Variants in KIAA0319 observed in about 807,000 individuals in gnomAD.
The protein encoded by KIAA0319 is dyslexia-associated protein KIAA0319.
A neutral mutation model predicts 108.4 loss-of-function variants in KIAA0319; 83 were observed. The observed-to-expected ratio is 0.77, with a 90% CI of 0.64 to 0.92. The LOEUF is 0.92. Among genes scored for constraint, KIAA0319 ranks in the 40% least tolerant of loss-of-function variants. KIAA0319 has a pLI of 0.00. For synonymous variants in KIAA0319, 484 were observed against 510.4 expected (o/e 0.95, Z 0.70); for missense variants, 1,195 against 1,322.4 (o/e 0.90, Z 1.49).
intron 20 of KIAA0319, among the ~76,000 whole-genome samples, chr6:24,551,145 A>ATTT (rs5874990): frequency 1.4e-5 from 2 of 145,734 alleles, no homozygotes; most frequent in South Asian, 2.2e-4. Context: ...CGCCCGGCTA[A>ATTT]TTTTTTTTTT....
intron 1 of KIAA0319, among the ~76,000 whole-genome samples, chr6:24,617,552 A>C (rs1393300717): frequency 2.6e-5 from 4 of 152,220 alleles, no homozygotes; most frequent in South Asian, 2.1e-4. Context: ...GGTGAAGCTG[A>C]AGCTGCCAGA....
intron 18 of KIAA0319, among the ~76,000 whole-genome samples, chr6:24,556,206 C>T (rs546379907): frequency 6.9e-6 from 1 of 144,820 alleles, no homozygotes; most frequent in African/African-American, 2.5e-5. Flanking sequence ...TCCCCTCCTT[C>T]CTTCCTTTCT....
Position 24,572,618 on chromosome 6 carries a change from TGAA to T in KIAA0319, c.1812_1814del (p.Ser605del). 6.2e-7 allele frequency: 1 copy of T among 1,614,132 alleles called. No individual in the cohort carries two copies. Among genetic ancestry groups the T allele is most frequent in the Non-Finnish European group, 8.5e-7 (1 of 1,180,014 alleles). On this transcript the variant is annotated inframe_deletion, in exon 11 of 21. Transcript: ENST00000378214. ...TCACCACAGCAGTAGACTGTTGCCT[TGAA>T]GAATCTGTCACCTTCAGCTGAAATG... is the stretch of plus-strand genomic sequence containing the variant.
intron 18 of KIAA0319, among the ~76,000 whole-genome samples, chr6:24,555,496 C>CA (rs34005198): frequency 0.02 from 1,569 of 79,628 alleles, 11 homozygotes; most frequent in East Asian, 0.033. Flanking sequence ...GACTCCATCT[C>CA]AAAAAAAAAA....
chr6:24,600,738 A>G, intron 2 of KIAA0319: 1 of 1,345,418 alleles, frequency 7.4e-7, no homozygotes, highest in East Asian at 2.5e-5. Context: ...AAGATTTCTG[A>G]TAAAAGGAAG....
At chr6:24,616,603 C>T (rs1773193009) in intron 1 of KIAA0319, among the ~76,000 whole-genome samples, 1 of 152,204 alleles carries the variant, frequency 6.6e-6, no homozygotes. Flanking sequence ...CTGCCCACCT[C>T]GGTCTCCCAA....
intron 11 of KIAA0319, among the ~76,000 whole-genome samples, chr6:24,570,257 T>G (rs553648626): frequency 1.3e-5 from 2 of 152,298 alleles, no homozygotes; most frequent in South Asian, 4.1e-4. Flanking sequence ...CAAGAAACAC[T>G]GTCTCTAATA....
intron 1 of KIAA0319, among the ~76,000 whole-genome samples, chr6:24,641,377 C>T (rs16889556): frequency 0.14 from 21,879 of 152,058 alleles, 1,775 homozygotes; most frequent in Non-Finnish European, 0.18. Context: ...GAAAGGTAAC[C>T]CTAGAAGGAG....
chr6:24,588,657 G>C lies in KIAA0319; in HGVS notation c.930C>G (p.Ser310Arg). Residue 310 changes from serine (S) to arginine (R), a missense_variant, in exon 4 of 21, where the codon AGC becomes AGG. Physicochemically the swap from Ser to Arg is moderately radical, Grantham distance 110. Coordinates refer to ENST00000378214, the MANE Select transcript of KIAA0319 (RefSeq NM_014809.4). ...TEHSIPTPPT[S>R]AAPSESTPSE... ...ATGGGGTGGACTCAGAGGGGGCTGC[G>C]CTAGTGGGAGGTGTTGGGATGCTGT... 1 of 1,614,016 alleles carries C rather than the reference G, an allele frequency of 6.2e-7. No individual in the cohort carries two copies. Among genetic ancestry groups the C allele is most frequent in the Non-Finnish European group, 8.5e-7 (1 of 1,179,964 alleles).
chr6:24,632,071 T>G (rs2127588687), intron 1 of KIAA0319, among the ~76,000 whole-genome samples: 1 of 152,358 alleles, frequency 6.6e-6, no homozygotes, highest in South Asian at 2.1e-4. Flanking sequence ...CCTTTAGAAT[T>G]TAACTTTCAG....
At chr6:24,618,300 A>C (rs1773441012) in intron 1 of KIAA0319, among the ~76,000 whole-genome samples, 1 of 152,082 alleles carries the variant, frequency 6.6e-6, no homozygotes, top group Non-Finnish European at 1.5e-5. Flanking sequence ...AACCTAGACA[A>C]ACCAGAACGT....
intron 20 of KIAA0319, among the ~76,000 whole-genome samples, chr6:24,549,682 G>A (rs116383169): frequency 0.012 from 1,902 of 152,234 alleles, 35 homozygotes; most frequent in African/African-American, 0.041. Flanking sequence ...CACATACCTC[G>A]TACCGCTATG....
At chr6:24,594,059 C>T (rs1267814046) in intron 3 of KIAA0319, among the ~76,000 whole-genome samples, 1 of 151,120 alleles carries the variant, frequency 6.6e-6, no homozygotes, top group Non-Finnish European at 1.5e-5. Context: ...ATTAGCTGGG[C>T]GTGGTGGCAG....
intron 3 of KIAA0319, among the ~76,000 whole-genome samples, chr6:24,594,353 C>T (rs534569617): frequency 3.0e-4 from 46 of 150,958 alleles, no homozygotes; most frequent in African/African-American, 9.5e-4. Context: ...TGGCTGGGCA[C>T]GGTGGCTCAT....
intron 1 of KIAA0319, among the ~76,000 whole-genome samples, chr6:24,605,732 G>A (rs1296956082): frequency 6.6e-6 from 1 of 152,102 alleles, no homozygotes; most frequent in Non-Finnish European, 1.5e-5. Flanking sequence ...GGTGAAAACT[G>A]GTGAGAATAA....
rs554859038 is a variant in KIAA0319 at position 24,575,755 on chromosome 6, T to C, written c.1734+613A>G. 1.9e-3 allele frequency among the ~76,000 whole-genome samples: 284 copies of C among 152,258 alleles called. 1 individual carries two copies. Among genetic ancestry groups the C allele is most frequent in the African/African-American group, 4.7e-3 (197 of 41,556 alleles). ...ATGTAAGGTCCTATCTTTTTTTTTT[T>C]TCTCATGAAACTCAAATAATAACAT... On this transcript the variant is annotated intron_variant, in intron 10 of 20. Transcript: ENST00000378214.
Position 24,596,537 on chromosome 6 carries a change from A to G in KIAA0319, c.137T>C (p.Met46Thr), listed in dbSNP as rs767973061. 17 of 1,613,990 alleles carry G rather than the reference A, an allele frequency of 1.1e-5. No homozygotes were observed. The highest frequency in any genetic ancestry group is 1.7e-5 in the Admixed American group (1 of 60,026). ...GACAGGGAAGGTGTGAGACACCCGCATGATTCTGGTGGTTTCCAAGTTAGG... is the reference window on the plus strand; with the variant it reads ...GACAGGGAAGGTGTGAGACACCCGCGTGATTCTGGTGGTTTCCAAGTTAGG... ...ISPNLETTRI[M>T]RVSHTFPVVD... Residue 46 changes from methionine (M) to threonine (T), a missense_variant, in exon 3 of 21, where the codon ATG (methionine) becomes ACG (threonine). Met to Thr is a moderately conservative substitution (Grantham distance 81). Coordinates refer to ENST00000378214, the MANE Select transcript of KIAA0319 (RefSeq NM_014809.4).
At chr6:24,588,310 A>G (rs1276561876) in intron 4 of KIAA0319, among the ~76,000 whole-genome samples, 1 of 152,226 alleles carries the variant, frequency 6.6e-6, no homozygotes, top group Non-Finnish European at 1.5e-5. Context: ...TTAGTGGATC[A>G]GGGTGCCCCT....
intron 1 of KIAA0319, among the ~76,000 whole-genome samples, chr6:24,613,649 C>T (rs554064566): frequency 2.2e-5 from 3 of 137,264 alleles, no homozygotes; most frequent in Non-Finnish European, 4.7e-5. Context: ...AGAGAAAGAA[C>T]ACAAGGAGGA....
Sources: allele counts gnomAD v4.1 joint callset (sites outside exome capture counted in the v4.1 genomes callset), GRCh38; gene constraint gnomAD v4.1.1; transcripts MANE v1.5; gene names NCBI Gene and HGNC (gene_info 2026-07-23, HGNC 2026-07-21).